The following PDE1C variants were observed in gnomAD, a reference collection of about 807,000 sequenced individuals.
The protein encoded by PDE1C is dual specificity calcium/calmodulin-dependent 3',5'-cyclic nucleotide phosphodiesterase 1C.
Under a neutral mutation model 93.1 loss-of-function variants are expected in PDE1C, and 62 were observed. The observed-to-expected ratio is 0.67, with a 90% CI of 0.54 to 0.82. The LOEUF is 0.82. Ranked by LOEUF, PDE1C falls within the 40% of genes least tolerant of loss-of-function variation. PDE1C has a pLI of 0.00. For synonymous variants in PDE1C, 325 were observed against 310.1 expected (o/e 1.05, Z -0.50); for missense variants, 742 against 884.6 (o/e 0.84, Z 2.04).
the PDE1C span, among the ~76,000 whole-genome samples, chr7:31,739,792 A>G: frequency 6.6e-6 from 1 of 152,192 alleles, no homozygotes; most frequent in Non-Finnish European, 1.5e-5. Context: ...GTAAAACCCT[A>G]GAATTAGTGT....
intron 1 of PDE1C, among the ~76,000 whole-genome samples, chr7:32,375,522 C>A (rs1784418359): frequency 6.6e-6 from 1 of 152,196 alleles, no homozygotes; most frequent in South Asian, 2.1e-4. Context: ...GGTGGTATAT[C>A]AACAACAACA....
At chr7:32,077,852 C>G in intron 3 of PDE1C, 1 of 984,596 alleles carries the variant, frequency 1.0e-6, no homozygotes, top group Non-Finnish European at 1.2e-6. Context: ...TACAGGCATA[C>G]TTTATTATTA....
chr7:31,688,463 C>G, the PDE1C span, among the ~76,000 whole-genome samples: 3 of 152,234 alleles, frequency 2.0e-5, no homozygotes, highest in African/African-American at 7.2e-5. Context: ...AGCTTCTGAC[C>G]ACACACTGAA....
intron 3 of PDE1C, among the ~76,000 whole-genome samples, chr7:32,080,482 G>A (rs1796597800): frequency 6.6e-6 from 1 of 152,314 alleles, no homozygotes; most frequent in South Asian, 2.1e-4. Flanking sequence ...ACCTGAAGAT[G>A]TGGAGCTACT....
At chr7:32,017,357 T>A (rs184022037) in intron 2 of PDE1C, among the ~76,000 whole-genome samples, 31 of 152,116 alleles carry the variant, frequency 2.0e-4, no homozygotes, top group African/African-American at 6.7e-4. Context: ...TCAAAATGGA[T>A]CATAGATCTA....
chr7:32,336,298 T>A (rs538807299), intron 1 of PDE1C, among the ~76,000 whole-genome samples: 1 of 152,184 alleles, frequency 6.6e-6, no homozygotes, highest in Non-Finnish European at 1.5e-5. Context: ...CTATATATTA[T>A]CCAACAAACT....
chr7:31,850,386 G>A (rs1043697360), intron 8 of PDE1C, among the ~76,000 whole-genome samples: 4 of 152,054 alleles, frequency 2.6e-5, no homozygotes, highest in Non-Finnish European at 5.9e-5. Context: ...TAAACAAATA[G>A]CGAACATTAG....
chr7:32,044,438 T>C (rs1486741595), intron 2 of PDE1C, among the ~76,000 whole-genome samples: 1 of 152,120 alleles, frequency 6.6e-6, no homozygotes, highest in Non-Finnish European at 1.5e-5. Flanking sequence ...GACAAGAAGA[T>C]AGGCATTTAA....
intron 7 of PDE1C, among the ~76,000 whole-genome samples, chr7:31,864,276 A>C (rs1795014727): frequency 2.0e-5 from 3 of 152,180 alleles, no homozygotes. Flanking sequence ...GGACCACTTG[A>C]GCCCAGGAGT....
At chr7:31,636,117 C>G in the PDE1C span, among the ~76,000 whole-genome samples, 1 of 152,098 alleles carries the variant, frequency 6.6e-6, no homozygotes, top group Non-Finnish European at 1.5e-5. Context: ...TGAGAACTCA[C>G]TCACTGTCAC....
intron 17 of PDE1C, among the ~76,000 whole-genome samples, chr7:31,763,202 A>G (rs934936249): frequency 1.3e-5 from 2 of 152,182 alleles, no homozygotes; most frequent in African/African-American, 4.8e-5. Flanking sequence ...TGGGGCGGCC[A>G]ACCTGCTCCC....
At chr7:31,650,238 G>A in the PDE1C span, among the ~76,000 whole-genome samples, 9 of 152,278 alleles carry the variant, frequency 5.9e-5, no homozygotes, top group East Asian at 1.7e-3. Flanking sequence ...CCTATGTCAG[G>A]TGTTGGCGAA....
chr7:32,333,222 A>G (rs1428406708), intron 1 of PDE1C, among the ~76,000 whole-genome samples: 1 of 152,254 alleles, frequency 6.6e-6, no homozygotes, highest in Non-Finnish European at 1.5e-5. Flanking sequence ...CATTGCATTT[A>G]CAAATACTAA....
At chr7:32,117,253 CA>C (rs1799034183) in intron 3 of PDE1C, among the ~76,000 whole-genome samples, 1 of 152,058 alleles carries the variant, frequency 6.6e-6, no homozygotes, top group Non-Finnish European at 1.5e-5. Context: ...GATAGGCTTT[CA>C]AAACTATTTG....
intron 1 of PDE1C, among the ~76,000 whole-genome samples, chr7:32,259,767 G>A (rs1810067520): frequency 6.6e-6 from 1 of 152,124 alleles, no homozygotes; most frequent in Admixed American, 6.5e-5. Context: ...GACCCAATTA[G>A]TCTGGAGTAA....
At chr7:31,644,290 G>A in the PDE1C span, among the ~76,000 whole-genome samples, 3 of 70,762 alleles carry the variant, frequency 4.2e-5, no homozygotes, top group African/African-American at 1.1e-4. Context: ...TTCTAGCTGA[G>A]AAGTTCTGTG....
At chr7:31,776,260 T>A (rs1782953116) in intron 16 of PDE1C, among the ~76,000 whole-genome samples, 1 of 152,212 alleles carries the variant, frequency 6.6e-6, no homozygotes, top group Non-Finnish European at 1.5e-5. Context: ...GAAGCTCAGG[T>A]CTTCATCTGC....
intron 2 of PDE1C, among the ~76,000 whole-genome samples, chr7:32,037,728 T>TC (rs1257850749): frequency 2.6e-5 from 4 of 152,166 alleles, no homozygotes; most frequent in African/African-American, 9.6e-5. Flanking sequence ...GTCCTATATC[T>TC]CTCCAATTAT....
the PDE1C span, among the ~76,000 whole-genome samples, chr7:31,631,347 AAAAC>A: frequency 3.9e-5 from 6 of 152,242 alleles, no homozygotes; most frequent in East Asian, 1.2e-3. Context: ...CATTATATGA[AAAAC>A]AAGATATAAA....
Sources: gnomAD v4.1 joint callset for allele counts (sites outside exome capture counted in the v4.1 genomes callset) on GRCh38, gnomAD v4.1.1 for gene constraint, MANE v1.5 for transcripts, NCBI Gene and HGNC (gene_info 2026-07-23, HGNC 2026-07-21) for gene names.